The following HNF1B variants were observed in gnomAD, a reference collection of about 807,000 sequenced individuals.
The protein encoded by HNF1B is hepatocyte nuclear factor 1-beta.
In HNF1B, 8 loss-of-function variants were observed where a neutral mutation model predicts 61.7. The ratio of observed to expected loss-of-function variants is 0.13; its 90% CI spans 0.08 to 0.23. HNF1B has a LOEUF of 0.23. HNF1B is among the 10% of genes least tolerant of loss of function. HNF1B has a pLI of 1.00. For synonymous variants in HNF1B, 314 were observed against 287.7 expected (o/e 1.09, Z -0.93); for missense variants, 562 against 714.5 (o/e 0.79, Z 2.43).
intron 6 of HNF1B, among the ~76,000 whole-genome samples, chr17:37,704,368 CT>C (rs1161285677): frequency 1.3e-5 from 2 of 152,184 alleles, no homozygotes; most frequent in Admixed American, 6.5e-5. Flanking sequence ...CAGTTTCCCT[CT>C]GGATCCTCCC....
chr17:37,690,262 T>C (rs765239217), intron 8 of HNF1B, among the ~76,000 whole-genome samples: 12 of 152,174 alleles, frequency 7.9e-5, no homozygotes, highest in Non-Finnish European at 1.5e-4. Context: ...GTGGGATCTC[T>C]TCAGCCCTGG....
At chr17:37,712,065 T>G (rs1265521440) in intron 4 of HNF1B, among the ~76,000 whole-genome samples, 1 of 152,220 alleles carries the variant, frequency 6.6e-6, no homozygotes, top group Non-Finnish European at 1.5e-5. Flanking sequence ...AAGGCCGATA[T>G]GACCTAGAGC....
chr17:37,744,644 C>T lies in HNF1B; in HGVS notation c.241G>A (p.Glu81Lys). The T allele has an allele frequency of 1.2e-6, 2 of 1,612,672 alleles. No homozygotes were observed. Among genetic ancestry groups the T allele is most frequent in the Non-Finnish European group, 1.7e-6 (2 of 1,180,024 alleles). Residue 81 changes from glutamate (E) to lysine (K), a missense_variant, in exon 1 of 9, where the codon GAG becomes AAG. By Grantham distance (56) the Glu-to-Lys change is moderately conservative. Around this residue, in one of 6 missense-constraint regions of HNF1B, gnomAD observed 148 missense variants for 147.3 expected, o/e 1.00. Coordinates refer to ENST00000617811, the MANE Select transcript of HNF1B (RefSeq NM_000458.4). Reference sequence around the variant, plus strand: ...GGTGTGTCATAGTCGTCGCCGTCCTCGGAGCCCTCGTCGCCGGACAAGCGG... The same window carrying T: ...GGTGTGTCATAGTCGTCGCCGTCCTTGGAGCCCTCGTCGCCGGACAAGCGG... ...KGRLSGDEGS[E>K]DGDDYDTPPI...
chr17:37,738,856 A>T (rs952290663), intron 2 of HNF1B, among the ~76,000 whole-genome samples: 8 of 152,186 alleles, frequency 5.3e-5, no homozygotes, highest in African/African-American at 1.9e-4. Context: ...CCACCAGCTG[A>T]GGTCCCCACA....
intron 4 of HNF1B, among the ~76,000 whole-genome samples, chr17:37,715,576 G>A (rs1206056393): frequency 3.9e-5 from 6 of 152,076 alleles, no homozygotes; most frequent in Non-Finnish European, 5.9e-5. Flanking sequence ...GTACATATGC[G>A]CACCTCAAAC....
At chr17:37,719,004 C>T (rs145018116) in intron 4 of HNF1B, among the ~76,000 whole-genome samples, 69 of 152,300 alleles carry the variant, frequency 4.5e-4, no homozygotes, top group African/African-American at 1.6e-3. Context: ...GTGGTGCAAT[C>T]ACAGCTCACT....
intron 4 of HNF1B, among the ~76,000 whole-genome samples, chr17:37,728,420 C>G (rs2033576676): frequency 6.6e-6 from 1 of 152,044 alleles, no homozygotes; most frequent in African/African-American, 2.4e-5. Context: ...CATTCTCCTG[C>G]CTCAGCCTCC....
intron 4 of HNF1B, among the ~76,000 whole-genome samples, chr17:37,723,204 G>T (rs927199912): frequency 4.0e-5 from 6 of 151,706 alleles, no homozygotes; most frequent in Non-Finnish European, 8.8e-5. Context: ...AAAATTAGCC[G>T]GGCGTGGTGG....
At chr17:37,720,503 A>G (rs1475406464) in intron 4 of HNF1B, among the ~76,000 whole-genome samples, 1 of 151,704 alleles carries the variant, frequency 6.6e-6, no homozygotes, top group African/African-American at 2.4e-5. Context: ...ATGCCTTTAT[A>G]TATACATATA....
At position 37,739,605 on chromosome 17, in the gene HNF1B, C is replaced by A; in HGVS notation, c.379G>T (p.Gly127Cys). 6.2e-7 allele frequency: 1 copy of A among 1,613,898 alleles called. No homozygotes were observed. Residue 127 changes from glycine (G) to cysteine (C), a missense_variant, in exon 2 of 9, where the codon GGT becomes TGT. Around this residue, in one of 6 missense-constraint regions of HNF1B, gnomAD observed 16 missense variants for 66.3 expected, o/e 0.24. Transcript: ENST00000617811. ...DPWRAAKMIK[G>C]YMQQHNIPQR... is the part of the protein sequence containing the mutation. ...GGGATGTTGTGTTGCTGCATGTAACCCTTGATCATTTTAGCAGCCCTCCAA... is the reference window on the plus strand; with the variant it reads ...GGGATGTTGTGTTGCTGCATGTAACACTTGATCATTTTAGCAGCCCTCCAA...
rs72830475 is a variant in HNF1B, at chr17:37,700,731, C to G, written c.1534+252G>C. 0.061 allele frequency among the ~76,000 whole-genome samples: 9,267 copies of G among 152,206 alleles called. 410 individuals are homozygous for G. The highest frequency in any genetic ancestry group is 0.095 in the Middle Eastern group (28 of 294). Reference sequence around the variant, plus strand: ...TTCCACATGCTGTCTGGCTCCAATTCCCCTTCATCTGTAGGCCTACACTGT... The same window carrying G: ...TTCCACATGCTGTCTGGCTCCAATTGCCCTTCATCTGTAGGCCTACACTGT... On this transcript the variant is annotated intron_variant, in intron 7 of 8. Transcript: ENST00000617811.
rs779941698 is a variant in HNF1B, at chr17:37,687,241, C to T, written c.*131G>A. The T allele has an allele frequency of 8.8e-6, 13 of 1,475,334 alleles. No individual in the cohort carries two copies. The highest frequency in any genetic ancestry group is 5.2e-5 in the Admixed American group (3 of 57,380). The allele number at this position is 1,475,334 out of a possible 1,614,324, so 91.4% of individuals were successfully genotyped here. A position where few individuals can be genotyped will look rare whatever the true frequency, so the allele number is the denominator to read the frequency against. ...TTGTCTGAGGTGCCAGCAGGACGTC[C>T]GTCAGGTAAGCAGGGACCTCTCGCA... On this transcript the variant is annotated 3_prime_UTR_variant, in exon 9 of 9. Transcript: ENST00000617811.
intron 1 of HNF1B, among the ~76,000 whole-genome samples, chr17:37,743,971 C>A (rs1342935649): frequency 6.6e-6 from 1 of 152,280 alleles, no homozygotes; most frequent in African/African-American, 2.4e-5. Context: ...CCGGATAATT[C>A]CGGGCCTTGC....
chr17:37,691,431 A>C (rs1362089081), intron 8 of HNF1B, among the ~76,000 whole-genome samples: 1 of 152,024 alleles, frequency 6.6e-6, no homozygotes, highest in Non-Finnish European at 1.5e-5. Context: ...TGTGCTCTTC[A>C]CCCCTATGTA....
At chr17:37,738,867 C>T (rs1292340221) in intron 2 of HNF1B, among the ~76,000 whole-genome samples, 2 of 152,334 alleles carry the variant, frequency 1.3e-5, no homozygotes, top group East Asian at 1.9e-4. Flanking sequence ...GGTCCCCACA[C>T]TCTACCAGTG....
intron 1 of HNF1B, 67 bp from the exon 2 acceptor site, chr17:37,739,706 G>A (rs2033936233): frequency 3.7e-6 from 5 of 1,364,952 alleles, no homozygotes; most frequent in East Asian, 2.5e-5. Context: ...TCTTTTTCTA[G>A]GGGGTGCTAC....
chr17:37,729,732 GGAACCA>G (rs2033625703), intron 4 of HNF1B: 1 of 152,268 alleles, frequency 6.6e-6, no homozygotes, highest in Admixed American at 6.5e-5. Context: ...GTATGGAGTG[GGAACCA>G]GCAGGCCTGA....
At chr17:37,692,892 T>C (rs1186224571) in intron 8 of HNF1B, among the ~76,000 whole-genome samples, 1 of 151,996 alleles carries the variant, frequency 6.6e-6, no homozygotes, top group Non-Finnish European at 1.5e-5. Context: ...CTGAATTGGA[T>C]ATTGAAAGAG....
chr17:37,709,021 C>G (rs752677506), intron 5 of HNF1B, among the ~76,000 whole-genome samples: 44 of 152,266 alleles, frequency 2.9e-4, no homozygotes, highest in Non-Finnish European at 5.0e-4. Flanking sequence ...TCCTGGCCCC[C>G]ACTCTGGGAA....
Sources: allele counts gnomAD v4.1 joint callset (sites outside exome capture counted in the v4.1 genomes callset), GRCh38; gene constraint gnomAD v4.1.1; regional missense constraint gnomAD v4.1.1; transcripts MANE v1.5; gene names NCBI Gene and HGNC (gene_info 2026-07-23, HGNC 2026-07-21).